DYM: variants seen among roughly 807,000 people sequenced by gnomAD.
The protein encoded by DYM is dyggve-Melchior-Clausen syndrome protein.
Under a neutral mutation model 93.1 loss-of-function variants are expected in DYM, and 78 were observed. That is an observed-to-expected ratio of 0.84 (90% CI 0.70 to 1.01). The LOEUF (loss-of-function observed/expected upper bound fraction) is 1.01, where lower values mean the gene tolerates loss of function less well. DYM is among the 50% of genes least tolerant of loss of function. DYM has a pLI of 0.00. For missense variants in DYM, 789 were observed against 845.0 expected, an observed-to-expected ratio of 0.93 and a Z score of 0.82; for synonymous variants, 321 against 319.7, an observed-to-expected ratio of 1.00 and a Z score of -0.04.
At chr18:49,094,312 G>A (rs774759547) in intron 17 of DYM, among the ~76,000 whole-genome samples, 24 of 152,206 alleles carry the variant, frequency 1.6e-4, no homozygotes, top group African/African-American at 4.6e-4. Context: ...AGCAAAATGC[G>A]AGCCAGGAAC....
At chr18:49,078,496 A>G (rs2077507731) in intron 17 of DYM, among the ~76,000 whole-genome samples, 1 of 152,150 alleles carries the variant, frequency 6.6e-6, no homozygotes, top group African/African-American at 2.4e-5. Flanking sequence ...TTATATATAC[A>G]TCTACATAGA....
chr18:49,396,872 CATAGAG>C (rs1332387686), intron 2 of DYM, among the ~76,000 whole-genome samples: 8 of 152,048 alleles, frequency 5.3e-5, no homozygotes, highest in African/African-American at 1.4e-4. Context: ...AAGTTGATCC[CATAGAG>C]ATAAACAGTA....
At chr18:49,132,173 A>T (rs1392840221) in intron 15 of DYM, among the ~76,000 whole-genome samples, 2 of 152,192 alleles carry the variant, frequency 1.3e-5, no homozygotes, top group Non-Finnish European at 2.9e-5. Context: ...TGCATACCAA[A>T]ATATAAAGGA....
intron 8 of DYM, among the ~76,000 whole-genome samples, chr18:49,289,314 T>A (rs933851431): frequency 2.4e-5 from 3 of 126,486 alleles, no homozygotes; most frequent in Admixed American, 1.9e-4. Context: ...TTTTACATGA[T>A]AAAACACATC....
At chr18:49,226,093 T>C (rs2093517696) in intron 13 of DYM, among the ~76,000 whole-genome samples, 1 of 152,094 alleles carries the variant, frequency 6.6e-6, no homozygotes, top group Non-Finnish European at 1.5e-5. Flanking sequence ...GCACAGATTA[T>C]CATATACCAC....
chr18:49,079,955 G>A (rs1458505507), intron 17 of DYM, among the ~76,000 whole-genome samples: 2 of 151,148 alleles, frequency 1.3e-5, no homozygotes, highest in East Asian at 4.0e-4. Flanking sequence ...CGGGCAGAGG[G>A]GCTCCTCACT....
chr18:49,452,253 G>A (rs938993255), intron 1 of DYM, among the ~76,000 whole-genome samples: 5 of 152,218 alleles, frequency 3.3e-5, no homozygotes, highest in Admixed American at 2.6e-4. Flanking sequence ...CGCGGTGAGT[G>A]TTACAGCTCA....
chr18:49,308,776 C>G (rs1164561823), intron 8 of DYM, among the ~76,000 whole-genome samples: 3 of 152,096 alleles, frequency 2.0e-5, no homozygotes, highest in African/African-American at 7.2e-5. Context: ...TGTGGGGTCT[C>G]TGGCAGATGC....
intron 14 of DYM, among the ~76,000 whole-genome samples, chr18:49,199,886 G>T (rs946165180): frequency 1.3e-5 from 2 of 151,668 alleles, no homozygotes; most frequent in Non-Finnish European, 2.9e-5. Context: ...CATGACAAAT[G>T]GGTAAAAGTA....
chr18:49,274,270 T>C (rs532635326), intron 10 of DYM, among the ~76,000 whole-genome samples: 5 of 152,272 alleles, frequency 3.3e-5, no homozygotes, highest in African/African-American at 1.2e-4. Context: ...TTTGTGACTT[T>C]CTTTCACTGA....
intron 6 of DYM, 40 bp downstream of exon 6, chr18:49,363,121 C>A (rs774631924): frequency 1.3e-6 from 2 of 1,522,150 alleles, no homozygotes; most frequent in Non-Finnish European, 1.8e-6. Flanking sequence ...CTGCCATATA[C>A]AAAGAAGATA....
At chr18:49,216,582 C>A (rs2093059494) in intron 13 of DYM, among the ~76,000 whole-genome samples, 1 of 152,166 alleles carries the variant, frequency 6.6e-6, no homozygotes, top group South Asian at 2.1e-4. Context: ...CAGACAGCAG[C>A]ATTCGTGGTT....
chr18:49,364,668 A>C (rs1344666629), intron 5 of DYM, among the ~76,000 whole-genome samples: 10 of 152,150 alleles, frequency 6.6e-5, no homozygotes, highest in Non-Finnish European at 1.3e-4. Context: ...TCCAAAGTAC[A>C]GCATGCCAGA....
At chr18:49,272,007 A>AG (rs1485949673) in intron 11 of DYM, among the ~76,000 whole-genome samples, 171 bp downstream of exon 11, 7 of 3,040 alleles carry the variant, frequency 2.3e-3, no homozygotes, top group Non-Finnish European at 0.011. Context: ...GTCATTCTGG[A>AG]AAAAAAAAAA....
chr18:49,158,806 T>C (rs2086736659), intron 15 of DYM, among the ~76,000 whole-genome samples: 1 of 152,076 alleles, frequency 6.6e-6, no homozygotes, highest in Non-Finnish European at 1.5e-5. Flanking sequence ...AAAATATAGT[T>C]GGATAGAATC....
chr18:49,184,432 A>G (rs994467450), intron 14 of DYM, among the ~76,000 whole-genome samples: 1 of 152,190 alleles, frequency 6.6e-6, no homozygotes, highest in African/African-American at 2.4e-5. Flanking sequence ...TTACTGAGGT[A>G]GTAGAGAAGT....
intron 11 of DYM, among the ~76,000 whole-genome samples, chr18:49,266,146 G>C (rs1044983849): frequency 6.6e-6 from 1 of 151,894 alleles, no homozygotes; most frequent in African/African-American, 2.4e-5. Context: ...ACAAAAAATT[G>C]GAAGAAAGAG....
chr18:49,200,994 C>G (rs1054748793), intron 14 of DYM, among the ~76,000 whole-genome samples: 1 of 152,040 alleles, frequency 6.6e-6, no homozygotes, highest in Non-Finnish European at 1.5e-5. Context: ...GGAAAATAAT[C>G]CAGAATCACG....
At chr18:49,066,422 TTG>T (rs1046071397) in intron 17 of DYM, among the ~76,000 whole-genome samples, 1 of 152,256 alleles carries the variant, frequency 6.6e-6, no homozygotes, top group African/African-American at 2.4e-5. Context: ...GCATGTGAGA[TTG>T]AAACATGTTG....
Sources: gnomAD v4.1 joint callset for allele counts (sites outside exome capture counted in the v4.1 genomes callset) on GRCh38, gnomAD v4.1.1 for gene constraint, MANE v1.5 for transcripts, NCBI Gene and HGNC (gene_info 2026-07-23, HGNC 2026-07-21) for gene names.